KCNH1: variants seen among roughly 807,000 people sequenced by gnomAD.
KCNH1 encodes the protein voltage-gated delayed rectifier potassium channel KCNH1.
KCNH1 carries 27 observed loss-of-function variants against 69.2 expected under a neutral mutation model. That is an observed-to-expected ratio of 0.39 (90% CI 0.29 to 0.54). KCNH1 has a LOEUF of 0.54. KCNH1 is among the 20% of genes least tolerant of loss of function. The probability of loss-of-function intolerance (pLI) is 0.68; values close to 1 mark genes in which losing one functional copy is unlikely to be tolerated. For missense variants in KCNH1, 798 were observed against 1,261.6 expected (o/e 0.63, Z 5.57); for synonymous variants, 456 against 487.7 (o/e 0.93, Z 0.86).
rs756374775 is a variant in KCNH1, at chr1:210,683,488, C to T, written c.2763G>A (p.Thr921=). ...KHSFYPIPEQ[T]LQATVLEVRH... The stretch of plus-strand genomic sequence containing the variant: ...TCACCTCCAGGACTGTGGCCTGCAG[C>T]GTCTGCTCAGGGATGGGGTAGAACG... The change falls in exon 11 of 11, where the codon ACG becomes ACA. Residue 921 remains threonine (T), a synonymous_variant. Transcript: ENST00000271751. The surrounding 1 kb of genome is among the most constrained non-coding windows in gnomAD (Gnocchi z 5.7). 42 of 1,614,004 alleles carry T rather than the reference C, an allele frequency of 2.6e-5. 1 individual carries two copies. Among genetic ancestry groups the T allele is most frequent in the Admixed American group, 1.7e-4 (10 of 60,000 alleles).
intron 7 of KCNH1, among the ~76,000 whole-genome samples, chr1:210,872,537 C>T (rs924893808): frequency 3.9e-5 from 6 of 152,148 alleles, no homozygotes; most frequent in African/African-American, 1.2e-4. Flanking sequence ...CATGGTTCTG[C>T]AGGCTGTACA....
At chr1:210,965,245 A>G (rs923952256) in intron 6 of KCNH1, among the ~76,000 whole-genome samples, 11 of 152,138 alleles carry the variant, frequency 7.2e-5, no homozygotes, top group African/African-American at 2.7e-4. Flanking sequence ...TGGAAGTTCC[A>G]GCCAGAGCAA....
At chr1:211,079,213 C>T (rs1380420750) in intron 5 of KCNH1, among the ~76,000 whole-genome samples, 2 of 152,146 alleles carry the variant, frequency 1.3e-5, no homozygotes, top group East Asian at 3.9e-4. Flanking sequence ...ACTAGAAAAT[C>T]TAGAAGAAAT....
At chr1:210,865,617 G>A (rs1476642171) in intron 7 of KCNH1, among the ~76,000 whole-genome samples, 1 of 152,130 alleles carries the variant, frequency 6.6e-6, no homozygotes, top group African/African-American at 2.4e-5. Flanking sequence ...TATTTCTTTT[G>A]CTAATAAATG....
At chr1:210,782,560 T>TA (rs1311185682) in intron 9 of KCNH1, among the ~76,000 whole-genome samples, 4 of 152,226 alleles carry the variant, frequency 2.6e-5, no homozygotes, top group African/African-American at 9.6e-5. Context: ...ATCCCATCTC[T>TA]ACTAAAAATG....
At chr1:210,983,748 G>A (rs569094598) in intron 6 of KCNH1, among the ~76,000 whole-genome samples, 6 of 152,192 alleles carry the variant, frequency 3.9e-5, no homozygotes, top group East Asian at 1.9e-4. Context: ...TCGACTTGGC[G>A]ATGCGGGCTC....
intron 1 of KCNH1, among the ~76,000 whole-genome samples, chr1:211,108,857 G>A (rs1691408058): frequency 2.0e-5 from 3 of 152,100 alleles, no homozygotes; most frequent in Admixed American, 2.0e-4. Context: ...TACATAAATT[G>A]TTCTTGAGTG....
At chr1:210,810,293 A>C (rs373693725) in intron 7 of KCNH1, among the ~76,000 whole-genome samples, 1 of 152,172 alleles carries the variant, frequency 6.6e-6, no homozygotes, top group Non-Finnish European at 1.5e-5. Context: ...CTTGTCCTGC[A>C]TATTATAACC....
intron 6 of KCNH1, among the ~76,000 whole-genome samples, chr1:211,004,286 G>A (rs967722245): frequency 5.3e-5 from 8 of 152,160 alleles, no homozygotes; most frequent in African/African-American, 1.9e-4. Flanking sequence ...ATGGAAGGTA[G>A]AAGATGATTG....
chr1:210,951,601 A>T (rs181638506), intron 6 of KCNH1, among the ~76,000 whole-genome samples: 1 of 152,318 alleles, frequency 6.6e-6, no homozygotes, highest in East Asian at 1.9e-4. Flanking sequence ...GGTTAACGGG[A>T]TCAGCTTTCC....
chr1:211,086,835 A>C lies in KCNH1; in HGVS notation c.439+3727T>G, dbSNP rs544453064. Among the ~76,000 whole-genome samples, 6 of 152,340 alleles carry C rather than the reference A, an allele frequency of 3.9e-5. No individual in the cohort carries two copies. In the South Asian group the frequency reaches 1.2e-3, roughly 32 times the overall value. ...GCCTTGTCCTGAGATACAGGGTCAG[A>C]AATTCAGAGGAGCTGATAGCATAAT... is the stretch of plus-strand genomic sequence containing the variant. On this transcript the variant is annotated intron_variant, in intron 4 of 10. Coordinates refer to ENST00000271751, the MANE Select transcript of KCNH1 (RefSeq NM_172362.3).
chr1:211,039,579 A>G (rs1342693979), intron 5 of KCNH1, among the ~76,000 whole-genome samples: 1 of 152,210 alleles, frequency 6.6e-6, no homozygotes, highest in East Asian at 1.9e-4. Flanking sequence ...ACAGGGGCGG[A>G]GCTGCCTAAG....
intron 6 of KCNH1, among the ~76,000 whole-genome samples, chr1:210,967,862 T>A (rs1688436468): frequency 6.6e-6 from 1 of 150,998 alleles, no homozygotes; most frequent in Non-Finnish European, 1.5e-5. Flanking sequence ...GTTCTCAATT[T>A]TTTTTTCTTT....
intron 6 of KCNH1, among the ~76,000 whole-genome samples, chr1:210,974,184 T>G (rs1197164821): frequency 2.0e-5 from 3 of 152,182 alleles, no homozygotes; most frequent in Non-Finnish European, 4.4e-5. Flanking sequence ...CTTTATCAGG[T>G]TGAGGAAGTT....
chr1:210,999,090 C>T (rs1439660429), intron 6 of KCNH1, among the ~76,000 whole-genome samples: 2 of 152,032 alleles, frequency 1.3e-5, no homozygotes, highest in Non-Finnish European at 2.9e-5. Context: ...ACCCTGACAT[C>T]ACAATTAAAA....
chr1:210,761,918 C>T (rs970785301), intron 10 of KCNH1, among the ~76,000 whole-genome samples: 2 of 152,144 alleles, frequency 1.3e-5, no homozygotes, highest in African/African-American at 2.4e-5. Context: ...CTACAGAATA[C>T]TCTACCCAAC....
At chr1:211,090,722 T>A in intron 3 of KCNH1, 32 bp from the exon 4 acceptor site, 1 of 1,584,350 alleles carries the variant, frequency 6.3e-7, no homozygotes, top group Non-Finnish European at 8.5e-7. Flanking sequence ...TGGTCAGTAA[T>A]TTGCATTCTC....
chr1:210,728,332 A>G (rs1258732939), intron 10 of KCNH1, among the ~76,000 whole-genome samples: 1 of 152,184 alleles, frequency 6.6e-6, no homozygotes, highest in Non-Finnish European at 1.5e-5. Flanking sequence ...TGCCTGGCAC[A>G]TAAGGAATTC....
intron 10 of KCNH1, among the ~76,000 whole-genome samples, chr1:210,719,784 G>A (rs1682408810): frequency 6.6e-6 from 1 of 152,084 alleles, no homozygotes; most frequent in Admixed American, 6.6e-5. Context: ...ACTTTTAATA[G>A]ACATTCCTTT....
Sources: gnomAD v4.1 joint callset for allele counts (sites outside exome capture counted in the v4.1 genomes callset) on GRCh38, gnomAD v4.1.1 for gene constraint, Gnocchi (gnomAD v3.1) non-coding constraint, MANE v1.5 for transcripts, NCBI Gene and HGNC (gene_info 2026-07-23, HGNC 2026-07-21) for gene names.